The following SORL1 variants were observed in gnomAD, a reference collection of about 807,000 sequenced individuals.
SORL1 encodes sortilin related receptor 1, also known as sortilin-related receptor.
In SORL1, 127 loss-of-function variants were observed where a neutral mutation model predicts 273.7. That is an observed-to-expected ratio of 0.46 (90% CI 0.40 to 0.54). The LOEUF (loss-of-function observed/expected upper bound fraction) is 0.54. SORL1 is among the 20% of genes least tolerant of loss of function. The pLI is 0.00. For synonymous variants in SORL1, 1,031 were observed against 1,067.4 expected, an observed-to-expected ratio of 0.97 and a Z score of 0.66; for missense variants, 2,494 against 2,846.1, an observed-to-expected ratio of 0.88 and a Z score of 2.81.
chr11:121,550,583 A>G lies in SORL1; in HGVS notation c.2181-2A>G. The G allele has an allele frequency of 6.2e-7, 1 of 1,614,004 alleles. No individual in the cohort carries two copies. The highest frequency in any genetic ancestry group is 2.2e-5 in the East Asian group (1 of 44,878). ...CCTCTTGCTCTTGGGGTGGGGTGAC[A>G]GCTACCGGAAGATTTCTGGGGACAC... On this transcript the variant is annotated splice_acceptor_variant, in intron 15 of 47. Coordinates refer to ENST00000260197, the MANE Select transcript of SORL1 (RefSeq NM_003105.6). LOFTEE classifies it high-confidence loss of function. This position sits in a 1 kb window ranked among gnomAD's most constrained non-coding sequence, Gnocchi z 5.3.
Position 121,629,519 on chromosome 11 carries a change from A to G in SORL1, c.6601A>G (p.Met2201Val), listed in dbSNP as rs776185495. The G allele has an allele frequency of 1.3e-6, 2 of 1,590,588 alleles. No individual in the cohort carries two copies. Among genetic ancestry groups the G allele is most frequent in the Admixed American group, 1.7e-5 (1 of 59,992 alleles). Residue 2201 changes from methionine to valine, a missense_variant, in exon 48 of 48, where the codon ATG (methionine) becomes GTG (valine). By Grantham distance (21) the Met-to-Val change is conservative. This residue lies in a region of SORL1 where 1,609 missense variants were observed against 1,816.4 expected (regional missense o/e 0.89). Transcript: ENST00000260197. The stretch of plus-strand genomic sequence containing the variant: ...AGGGGAAGATGATGAAGATGCCCCT[A>G]TGATAACTGGATTTTCAGATGACGT... The part of the protein sequence containing the change: ...DLGEDDEDAP[M>V]ITGFSDDVPM...
rs1320888522 is a variant in SORL1, at chr11:121,520,639, T to C, written c.1212-18T>C. 20 of 1,530,300 alleles carry C rather than the reference T, an allele frequency of 1.3e-5. No individual in the cohort carries two copies. Among genetic ancestry groups the C allele is most frequent in the Non-Finnish European group, 1.7e-5 (19 of 1,131,438 alleles). 94.8% of individuals were successfully genotyped at this position (1,530,300 alleles called of 1,614,324 possible). On this transcript the variant is annotated intron_variant, in intron 8 of 47. Coordinates refer to ENST00000260197, the MANE Select transcript of SORL1 (RefSeq NM_003105.6). The stretch of plus-strand genomic sequence containing the variant: ...AAATACCAATTCAGGTTCATAGCTG[T>C]TTATTTTCATATTGTAGGTATTTTG...
At chr11:121,586,776 T>C (rs1863122521) in intron 27 of SORL1, among the ~76,000 whole-genome samples, 1 of 151,252 alleles carries the variant, frequency 6.6e-6, no homozygotes, top group Non-Finnish European at 1.5e-5. Flanking sequence ...AAAGATTGCC[T>C]TGGGTCACTG....
rs916651374 is a variant in SORL1, at chr11:121,563,182, G to A, written c.3049+3525G>A. On this transcript the variant is annotated intron_variant, in intron 21 of 47. Transcript: ENST00000260197. This position sits in a 1 kb window ranked among gnomAD's most constrained non-coding sequence, Gnocchi z 4.2. ...GTGGTAAGAATTTGCACTGTGGCCC[G>A]TTGACTTCAAAGCCTGAACTTCGAT... Among the ~76,000 whole-genome samples, 3 of 152,186 alleles carry A rather than the reference G, an allele frequency of 2.0e-5. No homozygotes were observed. Among genetic ancestry groups the A allele is most frequent in the African/African-American group, 7.2e-5 (3 of 41,438 alleles).
intron 18 of SORL1, 112 bp downstream of exon 18, chr11:121,555,430 T>C: frequency 7.4e-7 from 1 of 1,357,272 alleles, no homozygotes. Flanking sequence ...TCAGGAAATT[T>C]ACTGCGAGTT....
chr11:121,480,500 A>C (rs2050743046), intron 3 of SORL1, among the ~76,000 whole-genome samples: 1 of 151,986 alleles, frequency 6.6e-6, no homozygotes, highest in Admixed American at 6.5e-5. Flanking sequence ...TGGCCTCGAA[A>C]ATGCCTTGTT....
At chr11:121,581,104 T>G (rs1790211) in intron 25 of SORL1, among the ~76,000 whole-genome samples, 144,747 of 151,982 alleles carry the variant, frequency 0.95, 69,110 homozygotes, top group Non-Finnish European at 0.98. Context: ...TAGAGATGAG[T>G]TTTTACCATG....
At chr11:121,466,388 T>C (rs568247884) in intron 1 of SORL1, among the ~76,000 whole-genome samples, 1 of 152,144 alleles carries the variant, frequency 6.6e-6, no homozygotes, top group African/African-American at 2.4e-5. Context: ...TGGGGATGGA[T>C]GGAAAAGGAA....
rs1482991048 is a variant in SORL1 at position 121,606,859 on chromosome 11, C to T, written c.4963C>T (p.Arg1655Ter). ...TCTTTTTCTAGTGCCAGATGCCCCT[C>T]GAAATCTCCAGCTGTCACTCCCCAG... The part of the protein sequence containing the change: ...RTPEGLPDAP[R>*]NLQLSLPREA... The change falls in exon 36 of 48, where the codon CGA (arginine) becomes TGA (stop). Residue 1655 changes from arginine (R) to a stop codon, truncating the protein, a stop_gained. Transcript: ENST00000260197. LOFTEE classifies it high-confidence loss of function. The T allele has an allele frequency of 2.5e-6, 4 of 1,613,654 alleles. No individual in the cohort carries two copies. The highest frequency in any genetic ancestry group is 2.5e-6 in the Non-Finnish European group (3 of 1,179,646).
chr11:121,588,778 G>T (rs1863161002), intron 28 of SORL1, among the ~76,000 whole-genome samples: 1 of 152,132 alleles, frequency 6.6e-6, no homozygotes, highest in African/African-American at 2.4e-5. Context: ...GGCAGGGTTG[G>T]GTTCCTCCGA....
chr11:121,576,337 G>A (rs1862930393), intron 24 of SORL1, among the ~76,000 whole-genome samples: 1 of 152,176 alleles, frequency 6.6e-6, no homozygotes. Flanking sequence ...AAGGACTGCA[G>A]GGAAATGCTT....
chr11:121,564,513 C>T (rs538130819), intron 21 of SORL1, among the ~76,000 whole-genome samples: 17 of 152,288 alleles, frequency 1.1e-4, no homozygotes, highest in African/African-American at 4.1e-4. Context: ...AATGATTTTA[C>T]AGACATGATC....
intron 41 of SORL1, among the ~76,000 whole-genome samples, chr11:121,616,018 C>T (rs1863633985): frequency 1.3e-5 from 2 of 152,132 alleles, no homozygotes; most frequent in Admixed American, 6.5e-5. Flanking sequence ...TTTGTGTGTC[C>T]CAGCACCTGA....
Position 121,516,474 on chromosome 11 carries a change from CA to C in SORL1, c.1211+2154del, listed in dbSNP as rs376426462. On this transcript the variant is annotated intron_variant, in intron 8 of 47. Coordinates refer to ENST00000260197, the MANE Select transcript of SORL1 (RefSeq NM_003105.6). ...AGGGGCAATATTGGGGGGAGATCAC[CA>C]GCTTGGTTTGGGACTTACCTGGTTG... 8.9e-4 allele frequency among the ~76,000 whole-genome samples: 136 copies of C among 152,226 alleles called. 3 individuals carry two copies. In the South Asian group the frequency reaches 0.028, roughly 31 times the overall value.
chr11:121,512,573 A>T (rs527999416), intron 6 of SORL1, among the ~76,000 whole-genome samples: 33 of 152,358 alleles, frequency 2.2e-4, no homozygotes, highest in Admixed American at 1.5e-3. Context: ...GAGTAGAAAG[A>T]AGAAAAGAAC....
chr11:121,497,655 A>G (rs1861652417), intron 6 of SORL1, among the ~76,000 whole-genome samples: 4 of 152,164 alleles, frequency 2.6e-5, no homozygotes, highest in African/African-American at 9.7e-5. Context: ...TCAAAACCAG[A>G]GTTGATTACT....
In SORL1 at chr11:121,590,163, A is replaced by C; in HGVS notation, c.4202A>C (p.Lys1401Thr). ...GACTGTGGGGACTGGTCTGATGAGAAGGATTGTGGAGGTAAGAGGCCCCTG... is the reference window on the plus strand; with the variant it reads ...GACTGTGGGGACTGGTCTGATGAGACGGATTGTGGAGGTAAGAGGCCCCTG... ...ENDCGDWSDE[K>T]DCGDSHILPF... is the part of the protein sequence containing the mutation. Residue 1401 changes from lysine (K) to threonine (T), a missense_variant, in exon 30 of 48, where the codon AAG becomes ACG. Lys to Thr is a moderately conservative substitution (Grantham distance 78, BLOSUM62 -1). Transcript: ENST00000260197. 1 of 1,614,098 alleles carries C rather than the reference A, an allele frequency of 6.2e-7. No homozygotes were observed. Among genetic ancestry groups the C allele is most frequent in the Non-Finnish European group, 8.5e-7 (1 of 1,179,972 alleles).
intron 11 of SORL1, among the ~76,000 whole-genome samples, chr11:121,523,614 A>G (rs993431550): frequency 4.2e-5 from 6 of 142,220 alleles, no homozygotes; most frequent in Non-Finnish European, 6.2e-5. Context: ...CCAAACTTGT[A>G]AAAAAAAAAA....
intron 6 of SORL1, among the ~76,000 whole-genome samples, chr11:121,498,736 T>C (rs1334657967): frequency 6.6e-6 from 1 of 152,044 alleles, no homozygotes; most frequent in African/African-American, 2.4e-5. Flanking sequence ...ATTAGTCTGG[T>C]GTGGTGGCAC....
Sources: allele counts gnomAD v4.1 joint callset (sites outside exome capture counted in the v4.1 genomes callset), GRCh38; gene constraint gnomAD v4.1.1; regional missense constraint gnomAD v4.1.1; non-coding constraint Gnocchi (gnomAD v3.1); transcripts MANE v1.5; gene names NCBI Gene and HGNC (gene_info 2026-07-23, HGNC 2026-07-21).